The following ADCY1 variants were observed in gnomAD, a reference collection of about 807,000 sequenced individuals.
The protein encoded by ADCY1 is adenylate cyclase 1.
ADCY1 carries 28 observed loss-of-function variants against 105.4 expected under a neutral mutation model. That is an observed-to-expected ratio of 0.27 (90% CI 0.20 to 0.36). ADCY1 has a LOEUF of 0.36. Among genes scored for constraint, ADCY1 ranks in the 10% least tolerant of loss-of-function variants. The pLI is 1.00. For missense variants in ADCY1, 977 were observed against 1,434.2 expected, an observed-to-expected ratio of 0.68 and a Z score of 5.15; for synonymous variants, 655 against 623.8, an observed-to-expected ratio of 1.05 and a Z score of -0.75.
intron 6 of ADCY1, 117 bp downstream of exon 6, chr7:45,658,002 C>T (rs1377039419): frequency 3.4e-6 from 4 of 1,186,880 alleles, no homozygotes; most frequent in African/African-American, 3.0e-5. Flanking sequence ...GTGAGTGCTC[C>T]TGGAGGAGCC....
intron 4 of ADCY1, among the ~76,000 whole-genome samples, chr7:45,646,379 G>A (rs1004585826): frequency 1.3e-5 from 2 of 152,190 alleles, no homozygotes; most frequent in African/African-American, 4.8e-5. Context: ...CTGGAACCAG[G>A]CAGCAACCAT....
At chr7:45,651,025 A>T (rs1286826400) in intron 5 of ADCY1, among the ~76,000 whole-genome samples, 2 of 152,156 alleles carry the variant, frequency 1.3e-5, no homozygotes, top group East Asian at 3.9e-4. Flanking sequence ...CTTCAGCTCC[A>T]CATCTCTACC....
At chr7:45,669,301 A>G (rs1784321338) in intron 8 of ADCY1, among the ~76,000 whole-genome samples, 1 of 152,082 alleles carries the variant, frequency 6.6e-6, no homozygotes. Flanking sequence ...ACTGCTTTAA[A>G]TGTGTCCCAG....
rs142916018 is a variant in ADCY1 at position 45,666,405 on chromosome 7, G to C, written c.1605+4191G>C. ...GCGGTGTTTGGTTTTTTGTCCTTGC[G>C]ATAGTTTGCTCAGAATGATGGTTTC... On this transcript the variant is annotated intron_variant, in intron 8 of 19. Coordinates refer to ENST00000297323, the MANE Select transcript of ADCY1 (RefSeq NM_021116.4). 3.9e-5 allele frequency among the ~76,000 whole-genome samples: 6 copies of C among 152,218 alleles called. No individual in the cohort carries two copies. The East Asian group carries it at 1.2e-3, about 29-fold the overall frequency.
At chr7:45,616,415 T>G (rs1473419728) in intron 3 of ADCY1, among the ~76,000 whole-genome samples, 1 of 152,178 alleles carries the variant, frequency 6.6e-6, no homozygotes, top group Admixed American at 6.5e-5. Flanking sequence ...TCAGATTTCC[T>G]CAGCAAGATA....
chr7:45,621,856 A>C (rs746456006), intron 3 of ADCY1, among the ~76,000 whole-genome samples: 1 of 152,234 alleles, frequency 6.6e-6, no homozygotes, highest in Non-Finnish European at 1.5e-5. Flanking sequence ...GATATCTTAA[A>C]GCTACAACAT....
intron 14 of ADCY1, among the ~76,000 whole-genome samples, chr7:45,699,475 G>T (rs1488081125): frequency 6.6e-6 from 1 of 152,202 alleles, no homozygotes; most frequent in Non-Finnish European, 1.5e-5. Flanking sequence ...TACTTTAGGG[G>T]TAAGATTACC....
chr7:45,693,838 C>G (rs1421179942), intron 14 of ADCY1, among the ~76,000 whole-genome samples: 1 of 139,952 alleles, frequency 7.1e-6, no homozygotes, highest in Non-Finnish European at 1.5e-5. Flanking sequence ...AATTGGAAAC[C>G]ATCATTCTCA....
At chr7:45,648,893 C>A in intron 5 of ADCY1, 96 bp downstream of exon 5, 6 of 1,476,080 alleles carry the variant, frequency 4.1e-6, no homozygotes, top group Non-Finnish European at 5.5e-6. Context: ...GGGCTCCCCT[C>A]TCAGGGTCTC....
rs780421837 is a variant in ADCY1, at chr7:45,704,610, G to A, written c.2811G>A (p.Gly937=). ...CTGTGGGGCTAGCGCCCACCTCGGG[G>A]ACCAAGGTGAGTGCAGCCTGGCGCT... ...MAAVGLAPTS[G]TKAKKSISSH... The change falls in exon 17 of 20, where the codon GGG becomes GGA. Residue 937 remains glycine (G), a synonymous_variant. Transcript: ENST00000297323. 6 of 1,613,662 alleles carry A rather than the reference G, an allele frequency of 3.7e-6. No individual in the cohort carries two copies. The African/African-American group carries it at 8.0e-5, about 22-fold the overall frequency.
intron 7 of ADCY1, among the ~76,000 whole-genome samples, chr7:45,661,175 G>A (rs1415860491): frequency 6.6e-6 from 1 of 152,154 alleles, no homozygotes; most frequent in Non-Finnish European, 1.5e-5. Context: ...ATAGACAATA[G>A]TATCCAGTCC....
Position 45,681,079 on chromosome 7 carries a change from C to T in ADCY1, c.1983+1286C>T, listed in dbSNP as rs542588565. ...TGTGAGGAAAGTGGGCTCAGGCAGG[C>T]TAAGGGATGTGCTCATGAAACCAGG... On this transcript the variant is annotated intron_variant, in intron 11 of 19. Coordinates refer to ENST00000297323, the MANE Select transcript of ADCY1 (RefSeq NM_021116.4). Among the ~76,000 whole-genome samples, 9 of 152,318 alleles carry T rather than the reference C, an allele frequency of 5.9e-5. No individual in the cohort carries two copies. The South Asian group carries it at 1.9e-3, about 32-fold the overall frequency.
rs1792276403 is a variant in ADCY1 at position 45,574,749 on chromosome 7, G to T, written c.206G>T (p.Ser69Ile). The change falls in exon 1 of 20, where the codon AGC (serine) becomes ATC (isoleucine). Residue 69 changes from serine (S) to isoleucine (I), a missense_variant. This residue lies in a region of ADCY1 where 209 missense variants were observed against 222.5 expected (regional missense o/e 0.94). Coordinates refer to ENST00000297323, the MANE Select transcript of ADCY1 (RefSeq NM_021116.4). This position sits in a 1 kb window ranked among gnomAD's most constrained non-coding sequence, Gnocchi z 7.0. The stretch of plus-strand genomic sequence containing the variant: ...ACGCTGAAGGCGCTGGCCGTTCTCA[G>T]CCTGCTGGCGGGCGCGCTGGCGCTG... The part of the protein sequence containing the change: ...AATLKALAVL[S>I]LLAGALALAE... 7.0e-7 allele frequency: 1 copy of T among 1,433,296 alleles called. No individual in the cohort carries two copies. Among genetic ancestry groups the T allele is most frequent in the South Asian group, 1.5e-5 (1 of 67,578 alleles). 88.8% of individuals were successfully genotyped at this position (1,433,296 alleles called of 1,614,324 possible).
At chr7:45,696,855 G>C (rs1182544894) in intron 14 of ADCY1, among the ~76,000 whole-genome samples, 1 of 152,200 alleles carries the variant, frequency 6.6e-6, no homozygotes, top group Non-Finnish European at 1.5e-5. Flanking sequence ...TGCTAATCAA[G>C]GGAGGAGAGG....
intron 4 of ADCY1, among the ~76,000 whole-genome samples, chr7:45,629,284 GTACTTCATTCCTTTTCA>G (rs1260382153): frequency 6.6e-6 from 1 of 152,168 alleles, no homozygotes; most frequent in Non-Finnish European, 1.5e-5. Context: ...GCATGTGTCA[GTACTTCATTCCTTTTCA>G]TTGCTTAGAA....
At chr7:45,669,008 G>C (rs992846202) in intron 8 of ADCY1, among the ~76,000 whole-genome samples, 2 of 152,032 alleles carry the variant, frequency 1.3e-5, no homozygotes, top group Admixed American at 1.3e-4. Context: ...GCATCTATTT[G>C]ATTCTTCTCT....
At chr7:45,640,658 C>T (rs1044637792) in intron 4 of ADCY1, among the ~76,000 whole-genome samples, 1 of 152,130 alleles carries the variant, frequency 6.6e-6, no homozygotes, top group African/African-American at 2.4e-5. Context: ...TATTTGAGGT[C>T]GCCAGCATAT....
At chr7:45,574,238 A>T, upstream of ADCY1, 3 of 764,710 alleles carry the variant, frequency 3.9e-6, no homozygotes, top group Non-Finnish European at 4.8e-6. The surrounding 1 kb of genome is among the most constrained non-coding windows in gnomAD (Gnocchi z 7.0). Flanking sequence ...CAGGACGCGG[A>T]GTTGGGGCGC....
intron 14 of ADCY1, among the ~76,000 whole-genome samples, chr7:45,690,458 G>A (rs891022513): frequency 4.6e-5 from 7 of 152,176 alleles, no homozygotes; most frequent in African/African-American, 9.7e-5. Context: ...CAGCCAGTCC[G>A]CAGCAACCAT....
Sources: allele counts gnomAD v4.1 joint callset (sites outside exome capture counted in the v4.1 genomes callset), GRCh38; gene constraint gnomAD v4.1.1; regional missense constraint gnomAD v4.1.1; non-coding constraint Gnocchi (gnomAD v3.1); transcripts MANE v1.5; gene names NCBI Gene and HGNC (gene_info 2026-07-23, HGNC 2026-07-21).